Variants in LRRC4C observed in about 807,000 individuals in gnomAD.
LRRC4C encodes leucine rich repeat containing 4C.
In LRRC4C, 5 loss-of-function variants were observed where a neutral mutation model predicts 33.6. That is an observed-to-expected ratio of 0.15 (90% confidence interval 0.08 to 0.31). The LOEUF is 0.31. LRRC4C is among the 10% of genes least tolerant of loss of function. The pLI, the probability that LRRC4C is intolerant of heterozygous loss-of-function variation, is 1.00. For missense variants in LRRC4C, 560 were observed against 796.7 expected (o/e 0.70, Z 3.58); for synonymous variants, 329 against 302.0 (o/e 1.09, Z -0.93).
chr11:40,612,735 TA>T (rs1442627661), intron 3 of LRRC4C, among the ~76,000 whole-genome samples: 1 of 151,868 alleles, frequency 6.6e-6, no homozygotes, highest in African/African-American at 2.4e-5. Context: ...GCTGATGTTT[TA>T]AAAAATATTT....
Position 40,988,275 on chromosome 11 carries a change from G to T in LRRC4C, c.-495-54552C>A, listed in dbSNP as rs554159704. ...CGGTCCCAGCTCCACAATGAACTTGGTACTTTGGCTCTGAGTTATAAAGGT... is the reference window on the plus strand; with the variant it reads ...CGGTCCCAGCTCCACAATGAACTTGTTACTTTGGCTCTGAGTTATAAAGGT... On this transcript the variant is annotated intron_variant, in intron 1 of 6. Transcript: ENST00000528697. Among the ~76,000 whole-genome samples, 13 of 152,202 alleles carry T rather than the reference G, an allele frequency of 8.5e-5. No homozygotes were observed. The East Asian group carries it at 2.1e-3, about 25-fold the overall frequency.
chr11:41,017,772 T>C (rs985690525), intron 1 of LRRC4C, among the ~76,000 whole-genome samples: 1 of 149,696 alleles, frequency 6.7e-6, no homozygotes, highest in Admixed American at 6.7e-5. Flanking sequence ...TCAGAATATA[T>C]ATAATATATA....
At chr11:41,207,944 T>A (rs745400212) in intron 1 of LRRC4C, among the ~76,000 whole-genome samples, 2 of 152,040 alleles carry the variant, frequency 1.3e-5, no homozygotes, top group African/African-American at 2.4e-5. Context: ...AAATTTGAAG[T>A]CCAGGCTAGT....
At chr11:40,911,004 C>G (rs911544886) in intron 2 of LRRC4C, among the ~76,000 whole-genome samples, 1 of 152,170 alleles carries the variant, frequency 6.6e-6, no homozygotes, top group Non-Finnish European at 1.5e-5. Flanking sequence ...GGGGGAGGGG[C>G]GCCTGCCATT....
chr11:40,209,059 T>A (rs1319727172), intron 5 of LRRC4C, among the ~76,000 whole-genome samples: 1 of 152,032 alleles, frequency 6.6e-6, no homozygotes, highest in Non-Finnish European at 1.5e-5. Flanking sequence ...ATTGTGCACC[T>A]GTATCCCGGC....
rs56018613 is a variant in LRRC4C at position 41,239,321 on chromosome 11, C to CAAAA, written c.-496+220106_-496+220109dup. 2.2e-3 allele frequency among the ~76,000 whole-genome samples: 123 copies of CAAAA among 55,142 alleles called. 6 individuals carry two copies. Among genetic ancestry groups the CAAAA allele is most frequent in the Non-Finnish European group, 2.8e-3 (91 of 32,980 alleles). 36.2% of individuals were successfully genotyped at this position (55,142 alleles called of 152,430 possible). Reference sequence around the variant, plus strand: ...TGGGTGACAGAGCAAGACTCTGTCTCAAAAAAAAAAAAAAAAAAAAAAAAA... The same window carrying CAAAA: ...TGGGTGACAGAGCAAGACTCTGTCTCAAAAAAAAAAAAAAAAAAAAAAAAAAAAA... On this transcript the variant is annotated intron_variant, in intron 1 of 6. Coordinates refer to ENST00000528697, the MANE Select transcript of LRRC4C (RefSeq NM_001258419.2).
intron 3 of LRRC4C, among the ~76,000 whole-genome samples, chr11:40,577,836 T>TC (rs1273479179): frequency 2.3e-4 from 16 of 69,402 alleles, no homozygotes; most frequent in Non-Finnish European, 3.7e-4. Context: ...TTTTTTCTTT[T>TC]TTTTTTTTTT....
intron 1 of LRRC4C, among the ~76,000 whole-genome samples, chr11:41,447,103 A>T (rs1321993757): frequency 6.6e-6 from 1 of 152,162 alleles, no homozygotes; most frequent in East Asian, 1.9e-4. Flanking sequence ...CATGCTATGA[A>T]TGTGACCATA....
intron 1 of LRRC4C, among the ~76,000 whole-genome samples, chr11:41,279,415 C>CACACAA (rs1555134432): frequency 6.7e-6 from 1 of 148,494 alleles, no homozygotes; most frequent in East Asian, 2.1e-4. Context: ...CACACACACA[C>CACACAA]ACACACACAC....
At chr11:41,185,003 C>G (rs1945627230) in intron 1 of LRRC4C, among the ~76,000 whole-genome samples, 2 of 152,046 alleles carry the variant, frequency 1.3e-5, no homozygotes, top group Admixed American at 1.3e-4. Flanking sequence ...TCTTGTGAGA[C>G]TTATTCACTA....
chr11:41,202,173 G>C (rs1334163878), intron 1 of LRRC4C, among the ~76,000 whole-genome samples: 1 of 152,094 alleles, frequency 6.6e-6, no homozygotes, highest in Non-Finnish European at 1.5e-5. Context: ...AGCACTAGTA[G>C]GCTGATGGAA....
chr11:41,254,690 G>A (rs1288457832), intron 1 of LRRC4C, among the ~76,000 whole-genome samples: 1 of 151,920 alleles, frequency 6.6e-6, no homozygotes, highest in Non-Finnish European at 1.5e-5. Flanking sequence ...GATGTGAGGT[G>A]GTTTAAAACA....
intron 1 of LRRC4C, among the ~76,000 whole-genome samples, chr11:41,118,216 G>A (rs1288237901): frequency 6.6e-6 from 1 of 152,144 alleles, no homozygotes; most frequent in East Asian, 1.9e-4. Context: ...GCACAATGCT[G>A]TTTTTCTAGC....
At chr11:41,153,636 C>T (rs946118501) in intron 1 of LRRC4C, among the ~76,000 whole-genome samples, 8 of 152,142 alleles carry the variant, frequency 5.3e-5, no homozygotes, top group South Asian at 4.1e-4. Context: ...TTGCTAAAAA[C>T]GGTATCTTGT....
chr11:40,554,294 C>G (rs1957244805), intron 3 of LRRC4C, among the ~76,000 whole-genome samples: 1 of 152,070 alleles, frequency 6.6e-6, no homozygotes, highest in Non-Finnish European at 1.5e-5. Flanking sequence ...TTCTATAGAT[C>G]TATGTGTCTA....
At chr11:41,193,061 T>C (rs2136220696) in intron 1 of LRRC4C, among the ~76,000 whole-genome samples, 1 of 152,220 alleles carries the variant, frequency 6.6e-6, no homozygotes, top group South Asian at 2.1e-4. Flanking sequence ...GCAGTCAGGC[T>C]TATGATGAGG....
chr11:40,739,024 TG>T (rs1216684945), intron 2 of LRRC4C, among the ~76,000 whole-genome samples: 3 of 54,990 alleles, frequency 5.5e-5, no homozygotes, highest in Non-Finnish European at 1.5e-4. Context: ...TGTGTGTGTG[TG>T]TGTATGTGTG....
intron 1 of LRRC4C, among the ~76,000 whole-genome samples, chr11:41,048,260 C>CTTTTT (rs35599405): frequency 7.5e-5 from 8 of 107,056 alleles, no homozygotes; most frequent in Admixed American, 2.3e-4. Context: ...AGATTCTTTA[C>CTTTTT]TTTTTTTTTT....
intron 1 of LRRC4C, among the ~76,000 whole-genome samples, chr11:40,952,233 C>T (rs1232229047): frequency 6.6e-6 from 1 of 151,712 alleles, no homozygotes; most frequent in Non-Finnish European, 1.5e-5. Flanking sequence ...GATATGGATC[C>T]CAAGTCTTTT....
Sources: allele counts gnomAD v4.1 joint callset (sites outside exome capture counted in the v4.1 genomes callset), GRCh38; gene constraint gnomAD v4.1.1; transcripts MANE v1.5; gene names NCBI Gene and HGNC (gene_info 2026-07-23, HGNC 2026-07-21).